The following MTFR1 variants were observed in gnomAD, a reference collection of about 807,000 sequenced individuals.
MTFR1 encodes mitochondrial fission regulator 1.
A neutral mutation model predicts 38.8 loss-of-function variants in MTFR1; 28 were observed. The observed-to-expected ratio is 0.72, with a 90% CI of 0.53 to 0.99. The LOEUF is 0.99. Among genes scored for constraint, MTFR1 ranks in the 50% least tolerant of loss-of-function variants. The probability of loss-of-function intolerance (pLI) is 0.00; values close to 1 mark genes in which losing one functional copy is unlikely to be tolerated. For synonymous variants in MTFR1, 145 were observed against 137.0 expected (o/e 1.06, Z -0.41); for missense variants, 358 against 395.5 (o/e 0.91, Z 0.81).
chr8:65,719,573 C>T, intron 3 of MTFR1: 1 of 908,050 alleles, frequency 1.1e-6, no homozygotes. Context: ...ACAACATTAA[C>T]CTTCCTACAT....
At chr8:65,745,786 G>A (rs1349186098) in intron 3 of MTFR1, among the ~76,000 whole-genome samples, 2 of 152,154 alleles carry the variant, frequency 1.3e-5, no homozygotes, top group Non-Finnish European at 2.9e-5. Context: ...CAGAAGTGTG[G>A]TTCAAATGTT....
At chr8:65,660,086 T>A (rs1308869064) in intron 1 of MTFR1, among the ~76,000 whole-genome samples, 1 of 152,110 alleles carries the variant, frequency 6.6e-6, no homozygotes, top group Admixed American at 6.6e-5. Flanking sequence ...GGTCGGGAAT[T>A]CAAGACCAGC....
At chr8:65,718,043 A>G (rs1168803485) in intron 2 of MTFR1, 1 of 152,210 alleles carries the variant, frequency 6.6e-6, no homozygotes, top group African/African-American at 2.4e-5. Flanking sequence ...CGTTTCATCA[A>G]AGGGAGGGAC....
chr8:65,763,732 G>C (rs1808627790), intron 3 of MTFR1, among the ~76,000 whole-genome samples: 1 of 152,136 alleles, frequency 6.6e-6, no homozygotes. Flanking sequence ...AAAGTAAGCT[G>C]AGAAAGAAAG....
At chr8:65,768,393 T>C (rs1808908214) in intron 3 of MTFR1, among the ~76,000 whole-genome samples, 1 of 152,140 alleles carries the variant, frequency 6.6e-6, no homozygotes, top group Non-Finnish European at 1.5e-5. Flanking sequence ...GGGGTGCTAA[T>C]TCTCATGATA....
At chr8:65,748,075 G>A (rs947943110) in intron 3 of MTFR1, among the ~76,000 whole-genome samples, 2 of 151,058 alleles carry the variant, frequency 1.3e-5, no homozygotes, top group Non-Finnish European at 2.9e-5. Flanking sequence ...ACGAAGACTG[G>A]TGGGATTAAT....
chr8:65,746,157 C>T (rs1398629754), intron 3 of MTFR1, among the ~76,000 whole-genome samples: 1 of 150,098 alleles, frequency 6.7e-6, no homozygotes, highest in African/African-American at 2.5e-5. Flanking sequence ...TGGTTTCAAA[C>T]TCCTGGACTC....
chr8:65,710,996 G>T (rs71529183), downstream of MTFR1, among the ~76,000 whole-genome samples: 21,047 of 144,528 alleles, frequency 0.15, 1,840 homozygotes, highest in South Asian at 0.2. Flanking sequence ...TATATAGAGA[G>T]AGAGAGAGAG....
chr8:65,657,555 A>G (rs1809301895), intron 1 of MTFR1, among the ~76,000 whole-genome samples: 1 of 152,042 alleles, frequency 6.6e-6, no homozygotes, highest in Non-Finnish European at 1.5e-5. Flanking sequence ...ATTTAAAAAA[A>G]TAGCCAGGCA....
chr8:65,694,385 T>A (rs867607995), intron 4 of MTFR1, among the ~76,000 whole-genome samples: 7 of 152,060 alleles, frequency 4.6e-5, no homozygotes, highest in Non-Finnish European at 1.0e-4. Flanking sequence ...TATTTTTTAC[T>A]TTTTTTGTAG....
intron 3 of MTFR1, among the ~76,000 whole-genome samples, chr8:65,748,540 T>C (rs1481404392): frequency 6.6e-6 from 1 of 152,162 alleles, no homozygotes; most frequent in Non-Finnish European, 1.5e-5. Flanking sequence ...TGGGGTAAAA[T>C]CTGTCTTGCA....
chr8:65,778,358 C>T, the MTFR1 span, among the ~76,000 whole-genome samples: 35 of 152,282 alleles, frequency 2.3e-4, no homozygotes, highest in African/African-American at 7.5e-4. Flanking sequence ...GTTGGCACCA[C>T]ACCTAAGAGT....
chr8:65,688,059 C>G (rs575598057), intron 3 of MTFR1, among the ~76,000 whole-genome samples: 82 of 148,074 alleles, frequency 5.5e-4, no homozygotes, highest in African/African-American at 1.9e-3. Context: ...GATACTGTGC[C>G]GTTGCACTCC....
At chr8:65,656,754 G>A (rs1167107648) in intron 1 of MTFR1, among the ~76,000 whole-genome samples, 1 of 151,846 alleles carries the variant, frequency 6.6e-6, no homozygotes, top group Non-Finnish European at 1.5e-5. Flanking sequence ...GCCTGCCTCA[G>A]CCTCCCAAAG....
chr8:65,753,803 G>T (rs1204320416), intron 3 of MTFR1, among the ~76,000 whole-genome samples: 2 of 152,060 alleles, frequency 1.3e-5, no homozygotes, highest in Non-Finnish European at 2.9e-5. Context: ...TCCATTGTTA[G>T]ATATACGTAT....
At chr8:65,765,316 C>G (rs1472612833) in intron 3 of MTFR1, among the ~76,000 whole-genome samples, 1 of 150,542 alleles carries the variant, frequency 6.6e-6, no homozygotes, top group Non-Finnish European at 1.5e-5. Context: ...GGTGAAACCC[C>G]GTCTCTACTA....
At chr8:65,692,202 T>A (rs1805301482) in intron 3 of MTFR1, among the ~76,000 whole-genome samples, 1 of 152,262 alleles carries the variant, frequency 6.6e-6, no homozygotes, top group Admixed American at 6.5e-5. Flanking sequence ...TTTTAGTAAG[T>A]ATTAATCTGA....
chr8:65,727,801 T>C (rs571019589), intron 3 of MTFR1: 1 of 152,562 alleles, frequency 6.6e-6, no homozygotes, highest in East Asian at 1.9e-4. Context: ...TGAGTAATCA[T>C]GTTAAGTGGA....
At chr8:65,680,116 G>T (rs1331490189) in intron 2 of MTFR1, among the ~76,000 whole-genome samples, 1 of 151,548 alleles carries the variant, frequency 6.6e-6, no homozygotes, top group Non-Finnish European at 1.5e-5. Context: ...GCAGGTGCCA[G>T]GGGTATTATA....
Sources: allele counts gnomAD v4.1 joint callset (sites outside exome capture counted in the v4.1 genomes callset), GRCh38; gene constraint gnomAD v4.1.1; transcripts MANE v1.5; gene names NCBI Gene and HGNC (gene_info 2026-07-23, HGNC 2026-07-21).